GASK1A: variants seen among roughly 807,000 people sequenced by gnomAD.
GASK1A encodes Golgi-associated kinase 1A.
Under a neutral mutation model 41.2 loss-of-function variants are expected in GASK1A, and 40 were observed. The ratio of observed to expected loss-of-function variants is 0.97; its 90% CI spans 0.75 to 1.27. The LOEUF (loss-of-function observed/expected upper bound fraction) is 1.27, where lower values mean the gene tolerates loss of function less well. Ranked by LOEUF, GASK1A falls within the 50% of genes most tolerant of loss-of-function variation. GASK1A has a pLI of 0.00. For synonymous variants in GASK1A, 316 were observed against 307.1 expected, an observed-to-expected ratio of 1.03 and a Z score of -0.30; for missense variants, 678 against 745.1, an observed-to-expected ratio of 0.91 and a Z score of 1.05.
At chr3:43,031,957 A>C (rs2089577953) in intron 1 of GASK1A, among the ~76,000 whole-genome samples, 3 of 152,346 alleles carry the variant, frequency 2.0e-5, no homozygotes, top group South Asian at 4.1e-4. Flanking sequence ...AAAGCCCCTT[A>C]TGTTGCATGG....
rs374453130 is a variant in GASK1A at position 43,032,292 on chromosome 3, G to A, written c.29G>A (p.Arg10His). MASWLRRKL[R>H]GKRRPVIAFC... is the part of the protein sequence containing the mutation. ...GCGTCTTGGCTCCGGAGAAAGCTGC[G>A]TGGCAAGAGGCGGCCAGTGATAGCG... Residue 10 changes from arginine to histidine, a missense_variant, in exon 2 of 5, where the codon CGT becomes CAT. By Grantham distance (29) the Arg-to-His change is conservative. Coordinates refer to ENST00000430121, the MANE Select transcript of GASK1A (RefSeq NM_001129908.3). 91 of 1,529,066 alleles carry A rather than the reference G, an allele frequency of 6.0e-5. No homozygotes were observed. The African/African-American group carries it at 9.1e-4, about 15-fold the overall frequency. 94.7% of individuals were successfully genotyped at this position (1,529,066 alleles called of 1,614,324 possible). A position where few individuals can be genotyped will look rare whatever the true frequency, so the allele number is the denominator to read the frequency against.
intron 1 of GASK1A, among the ~76,000 whole-genome samples, chr3:42,995,637 T>G (rs570739441): frequency 6.7e-6 from 1 of 149,646 alleles, no homozygotes; most frequent in South Asian, 2.1e-4. Flanking sequence ...GCGAGGTGGA[T>G]TCTGTCCTGA....
intron 1 of GASK1A, among the ~76,000 whole-genome samples, chr3:42,988,017 G>A (rs1429576920): frequency 2.7e-5 from 1 of 37,714 alleles, no homozygotes. Flanking sequence ...AAAGGGATGG[G>A]GGTAGGATAG....
chr3:42,987,550 T>C (rs1408860890), intron 1 of GASK1A, among the ~76,000 whole-genome samples: 2 of 152,210 alleles, frequency 1.3e-5, no homozygotes, highest in African/African-American at 2.4e-5. Flanking sequence ...TGATCATATA[T>C]AGAAGTAACT....
chr3:43,040,104 G>A (rs904805590), intron 2 of GASK1A, among the ~76,000 whole-genome samples: 5 of 152,026 alleles, frequency 3.3e-5, no homozygotes, highest in Admixed American at 6.6e-5. Flanking sequence ...TCATTTCAGC[G>A]TTATTTTTAA....
Position 42,979,382 on chromosome 3 carries a change from C to T in GASK1A, c.-261C>T, listed in dbSNP as rs911330348. The T allele has an allele frequency of 1.0e-5, 4 of 392,736 alleles. No individual in the cohort carries two copies. Among genetic ancestry groups the T allele is most frequent in the African/African-American group, 2.1e-5 (1 of 48,342 alleles). The allele number at this position is 392,736 out of a possible 1,614,324, so 24.3% of individuals were successfully genotyped here. ...GGCCGCGGGTAGGCTCCCTCAGATCCCCGTAGATCTCAGTAGATCCGGCGT... is the reference window on the plus strand; with the variant it reads ...GGCCGCGGGTAGGCTCCCTCAGATCTCCGTAGATCTCAGTAGATCCGGCGT... On this transcript the variant is annotated 5_prime_UTR_variant, in exon 1 of 5. Transcript: ENST00000430121.
rs1227862568 is a variant in GASK1A at position 43,056,386 on chromosome 3, A to G, written c.1728A>G (p.Ter576=). The change falls in exon 5 of 5, where the codon TAA becomes TAG. Residue 576 remains the stop codon, a stop_retained_variant. Transcript: ENST00000430121. ...CACTCTTCAGGGACGAGGACCCATAAGCCGCACACAGCCCTGAGTCAATGA... is the reference window on the plus strand; with the variant it reads ...CACTCTTCAGGGACGAGGACCCATAGGCCGCACACAGCCCTGAGTCAATGA... ...NLTLFRDEDP[*] is the part of the protein sequence containing the mutation. 2.6e-6 allele frequency: 4 copies of G among 1,536,584 alleles called. No individual in the cohort carries two copies. The highest frequency in any genetic ancestry group is 8.8e-7 in the Non-Finnish European group (1 of 1,138,712).
intron 2 of GASK1A, among the ~76,000 whole-genome samples, chr3:43,052,059 G>C (rs2089693799): frequency 6.6e-6 from 1 of 152,162 alleles, no homozygotes; most frequent in South Asian, 2.1e-4. Flanking sequence ...AGATCCCAGA[G>C]ATCCTCAAGG....
chr3:42,983,252 C>T (rs898346938), intron 1 of GASK1A, among the ~76,000 whole-genome samples: 6 of 152,050 alleles, frequency 3.9e-5, no homozygotes, highest in Admixed American at 1.3e-4. Context: ...CAAATGGAGT[C>T]ATGGAGGTGA....
At chr3:43,036,803 TG>T (rs2089607004) in intron 2 of GASK1A, among the ~76,000 whole-genome samples, 1 of 152,142 alleles carries the variant, frequency 6.6e-6, no homozygotes, top group Non-Finnish European at 1.5e-5. Flanking sequence ...CTGCAAGCGA[TG>T]GTGTCAGCTG....
rs768142597 is a variant in GASK1A at position 43,033,035 on chromosome 3, C to T, written c.772C>T (p.Pro258Ser). ...LSSSRTGGQAPPWLTDHDVQM... is the reference protein window; with the variant it reads ...LSSSRTGGQASPWLTDHDVQM... ...CAGCTCGAGGACTGGTGGGCAGGCT[C>T]CCCCATGGCTGACAGACCACGATGT... The change falls in exon 2 of 5, where the codon CCC becomes TCC. Residue 258 changes from proline (P) to serine (S), a missense_variant. Transcript: ENST00000430121. 1 of 1,551,678 alleles carries T rather than the reference C, an allele frequency of 6.4e-7. No individual in the cohort carries two copies. Among genetic ancestry groups the T allele is most frequent in the Non-Finnish European group, 8.7e-7 (1 of 1,146,994 alleles).
chr3:42,992,181 T>A (rs970102940), intron 1 of GASK1A, among the ~76,000 whole-genome samples: 2 of 152,114 alleles, frequency 1.3e-5, no homozygotes, highest in Non-Finnish European at 2.9e-5. Context: ...TGGTTCACAC[T>A]CACTTCCCTC....
At chr3:43,000,412 C>T (rs2089402907) in intron 1 of GASK1A, among the ~76,000 whole-genome samples, 2 of 152,342 alleles carry the variant, frequency 1.3e-5, no homozygotes, top group East Asian at 1.9e-4. Flanking sequence ...AGAAGGAGAT[C>T]GCATAAACAT....
At chr3:42,996,799 T>A (rs2089372643) in intron 1 of GASK1A, among the ~76,000 whole-genome samples, 1 of 152,242 alleles carries the variant, frequency 6.6e-6, no homozygotes, top group African/African-American at 2.4e-5. Context: ...GGGTGTTCCC[T>A]GTGACCATTT....
chr3:43,048,139 C>T (rs1034028456), intron 2 of GASK1A, among the ~76,000 whole-genome samples: 1 of 152,164 alleles, frequency 6.6e-6, no homozygotes, highest in African/African-American at 2.4e-5. Context: ...GTTAATGAAG[C>T]CCTGGCTGAA....
At chr3:43,040,881 C>G (rs58561549) in intron 2 of GASK1A, among the ~76,000 whole-genome samples, 1,692 of 126,780 alleles carry the variant, frequency 0.013, 192 homozygotes, top group African/African-American at 0.037. Flanking sequence ...ATCCCTCCCC[C>G]CCGCCACAAC....
At chr3:42,994,347 A>C (rs1278098279) in intron 1 of GASK1A, among the ~76,000 whole-genome samples, 1 of 152,114 alleles carries the variant, frequency 6.6e-6, no homozygotes, top group Non-Finnish European at 1.5e-5. Flanking sequence ...GCATGGAGGC[A>C]GGAGCCGGGC....
intron 1 of GASK1A, among the ~76,000 whole-genome samples, chr3:42,999,616 G>C (rs1177603755): frequency 6.6e-6 from 1 of 152,214 alleles, no homozygotes; most frequent in Non-Finnish European, 1.5e-5. Context: ...ATCTTAAAGA[G>C]GTCATGCCGC....
chr3:42,999,443 T>TC (rs1326321416), intron 1 of GASK1A, among the ~76,000 whole-genome samples: 1 of 152,162 alleles, frequency 6.6e-6, no homozygotes, highest in African/African-American at 2.4e-5. Flanking sequence ...CTGCTGTTTC[T>TC]CCCAGGGCAG....
Sources: allele counts gnomAD v4.1 joint callset (sites outside exome capture counted in the v4.1 genomes callset), GRCh38; gene constraint gnomAD v4.1.1; transcripts MANE v1.5; gene names NCBI Gene and HGNC (gene_info 2026-07-23, HGNC 2026-07-21).